Variants in XPR1 observed in about 807,000 individuals in gnomAD.
XPR1 encodes xenotropic and polytropic retrovirus receptor 1.
A neutral mutation model predicts 87.5 loss-of-function variants in XPR1; 28 were observed. The observed-to-expected ratio is 0.32, with a 90% CI of 0.24 to 0.44. The LOEUF is 0.44. Among genes scored for constraint, XPR1 ranks in the 20% least tolerant of loss-of-function variants. The probability of loss-of-function intolerance (pLI) is 1.00; values close to 1 mark genes in which losing one functional copy is unlikely to be tolerated. For missense variants in XPR1, 559 were observed against 862.3 expected (o/e 0.65, Z 4.41); for synonymous variants, 300 against 306.1 (o/e 0.98, Z 0.21).
chr1:180,654,272 C>G (rs1223248097), intron 1 of XPR1, among the ~76,000 whole-genome samples: 1 of 152,080 alleles, frequency 6.6e-6, no homozygotes, highest in Non-Finnish European at 1.5e-5. Context: ...TACTTTCTTG[C>G]AAGTTGCTAG....
intron 1 of XPR1, among the ~76,000 whole-genome samples, chr1:180,667,562 G>C (rs1366313924): frequency 6.6e-6 from 1 of 152,008 alleles, no homozygotes; most frequent in Non-Finnish European, 1.5e-5. Flanking sequence ...CCATAGTTTT[G>C]TTTTCTTGTA....
At position 180,888,094 on chromosome 1, in the gene XPR1, G is replaced by A. The variant is rs1653072488; in HGVS notation, c.*4028G>A. On this transcript the variant is annotated 3_prime_UTR_variant, in exon 15 of 15. Coordinates refer to ENST00000367590, the MANE Select transcript of XPR1 (RefSeq NM_004736.4). Reference sequence around the variant, plus strand: ...GTGAGCCTGATGACGCGAAGGTGATGCCTCCATCTGTCCGCTTAGTGGTTA... The same window carrying A: ...GTGAGCCTGATGACGCGAAGGTGATACCTCCATCTGTCCGCTTAGTGGTTA... 6.6e-6 allele frequency: 1 copy of A among 152,166 alleles called. No homozygotes were observed. The highest frequency in any genetic ancestry group is 2.4e-5 in the African/African-American group (1 of 41,434). The allele number at this position is 152,166 out of a possible 1,614,324, so 9.4% of individuals were successfully genotyped here.
intron 2 of XPR1, among the ~76,000 whole-genome samples, chr1:180,718,947 A>C (rs556493907): frequency 2.0e-5 from 3 of 152,308 alleles, no homozygotes; most frequent in Non-Finnish European, 4.4e-5. Context: ...GATTACAGGC[A>C]TGAGCCACTG....
chr1:180,757,994 C>T (rs898626250), intron 2 of XPR1, among the ~76,000 whole-genome samples: 14 of 147,016 alleles, frequency 9.5e-5, no homozygotes, highest in African/African-American at 3.5e-4. Flanking sequence ...ATTGGAGAAA[C>T]TGGATAGTAG....
intron 6 of XPR1, among the ~76,000 whole-genome samples, chr1:180,808,466 A>G (rs1343950024): frequency 6.6e-6 from 1 of 152,142 alleles, no homozygotes; most frequent in Non-Finnish European, 1.5e-5. Flanking sequence ...CCTCATCAAA[A>G]TTAAAAAACG....
At chr1:180,863,919 T>A in intron 12 of XPR1, 45 bp downstream of exon 12, 2 of 1,493,994 alleles carry the variant, frequency 1.3e-6, no homozygotes, top group African/African-American at 1.4e-5. Flanking sequence ...AACTTAGGTA[T>A]ACCACTAGCT....
chr1:180,883,763 G>A (rs896481045), intron 14 of XPR1, among the ~76,000 whole-genome samples: 4 of 151,070 alleles, frequency 2.6e-5, no homozygotes, highest in South Asian at 2.1e-4. Context: ...TACCTTCTGC[G>A]TTGCACATAC....
intron 2 of XPR1, among the ~76,000 whole-genome samples, chr1:180,740,305 G>A (rs926430801): frequency 2.6e-5 from 4 of 152,012 alleles, no homozygotes; most frequent in Non-Finnish European, 4.4e-5. Context: ...CCCCTCTGCC[G>A]TAGATGCCTT....
intron 2 of XPR1, 88 bp from the exon 3 acceptor site, chr1:180,787,665 C>A: frequency 3.3e-6 from 3 of 914,988 alleles, no homozygotes; most frequent in Non-Finnish European, 5.0e-6. Flanking sequence ...ATTTTAAAAA[C>A]TCAAAAAGTA....
chr1:180,792,931 G>C (rs1053818892), intron 3 of XPR1, among the ~76,000 whole-genome samples: 7 of 151,898 alleles, frequency 4.6e-5, no homozygotes, highest in Non-Finnish European at 1.0e-4. Flanking sequence ...TATATGTGTT[G>C]CTTCTAATAT....
At chr1:180,675,273 G>T (rs1308872163) in intron 1 of XPR1, among the ~76,000 whole-genome samples, 1 of 152,082 alleles carries the variant, frequency 6.6e-6, no homozygotes, top group African/African-American at 2.4e-5. Context: ...AAGAGGGAGG[G>T]TATGGTAATC....
At chr1:180,792,728 C>T (rs1649431285) in intron 3 of XPR1, among the ~76,000 whole-genome samples, 1 of 152,082 alleles carries the variant, frequency 6.6e-6, no homozygotes, top group Non-Finnish European at 1.5e-5. Context: ...TCTTCTGTCA[C>T]TAAAAATGGT....
chr1:180,885,823 G>A lies in XPR1; in HGVS notation c.*1757G>A, dbSNP rs1333482166. 1 of 152,194 alleles carries A rather than the reference G, an allele frequency of 6.6e-6. No homozygotes were observed. The highest frequency in any genetic ancestry group is 1.5e-5 in the Non-Finnish European group (1 of 68,030). 9.4% of individuals were successfully genotyped at this position (152,194 alleles called of 1,614,324 possible). A position where few individuals can be genotyped will look rare whatever the true frequency, so the allele number is the denominator to read the frequency against. On this transcript the variant is annotated 3_prime_UTR_variant, in exon 15 of 15. Transcript: ENST00000367590. ...TCAGCACTTCCACCATGTATTACAA[G>A]TCTTGACCCATCCCTGTCGTAACTC...
intron 2 of XPR1, among the ~76,000 whole-genome samples, chr1:180,715,771 G>T (rs1657971456): frequency 6.6e-6 from 1 of 151,874 alleles, no homozygotes; most frequent in African/African-American, 2.4e-5. Context: ...CTGCCTCCCG[G>T]AAGCGATTCT....
chr1:180,696,156 T>G (rs1657156031), intron 2 of XPR1, among the ~76,000 whole-genome samples: 1 of 145,246 alleles, frequency 6.9e-6, no homozygotes, highest in African/African-American at 2.5e-5. Flanking sequence ...TTCGTTAAAT[T>G]TATTCCTGGG....
chr1:180,806,766 T>C (rs1648239298), intron 6 of XPR1, among the ~76,000 whole-genome samples: 1 of 152,198 alleles, frequency 6.6e-6, no homozygotes, highest in African/African-American at 2.4e-5. Flanking sequence ...CATACTGTAC[T>C]TTCTTGTTTA....
intron 2 of XPR1, among the ~76,000 whole-genome samples, chr1:180,747,519 T>G (rs967350588): frequency 1.3e-5 from 2 of 152,246 alleles, no homozygotes; most frequent in Non-Finnish European, 2.9e-5. Context: ...CGTTATTTAT[T>G]TAGTATTTAC....
Position 180,817,539 on chromosome 1 carries a change from C to G in XPR1, c.763+6051C>G, listed in dbSNP as rs545961969. 5.3e-5 allele frequency among the ~76,000 whole-genome samples: 8 copies of G among 152,290 alleles called. No individual in the cohort carries two copies. In the South Asian group the frequency reaches 1.7e-3, roughly 32 times the overall value. ...GTTTAGAGATGTTTAGAGACAAATA[C>G]TACCATTGTGTTACAATTGCCTACA... On this transcript the variant is annotated intron_variant, in intron 7 of 14. Transcript: ENST00000367590.
chr1:180,852,118 A>G (rs750526931), intron 11 of XPR1, among the ~76,000 whole-genome samples: 2 of 152,038 alleles, frequency 1.3e-5, no homozygotes, highest in Non-Finnish European at 2.9e-5. Context: ...ATAATACTAT[A>G]TTATCAGTAT....
Sources: allele counts gnomAD v4.1 joint callset (sites outside exome capture counted in the v4.1 genomes callset), GRCh38; gene constraint gnomAD v4.1.1; transcripts MANE v1.5; gene names NCBI Gene and HGNC (gene_info 2026-07-23, HGNC 2026-07-21).